Variants in EDNRB observed in about 807,000 individuals in gnomAD.
The protein encoded by EDNRB is endothelin receptor type B.
In EDNRB, 18 loss-of-function variants were observed where a neutral mutation model predicts 46.4. The observed-to-expected ratio is 0.39, with a 90% CI of 0.27 to 0.57. The LOEUF (loss-of-function observed/expected upper bound fraction) is 0.57, where lower values mean the gene tolerates loss of function less well. Among genes scored for constraint, EDNRB ranks in the 20% least tolerant of loss-of-function variants. The pLI is 0.61. For missense variants in EDNRB, 434 were observed against 537.5 expected, an observed-to-expected ratio of 0.81 and a Z score of 1.90; for synonymous variants, 213 against 204.9, an observed-to-expected ratio of 1.04 and a Z score of -0.34.
intron 1 of EDNRB, among the ~76,000 whole-genome samples, chr13:77,946,049 G>C (rs1880902079): frequency 6.6e-6 from 1 of 152,170 alleles, no homozygotes; most frequent in Non-Finnish European, 1.5e-5. Context: ...CGTGAATCCT[G>C]TCTCATGTCT....
At chr13:77,905,835 C>T (rs1035376059) in intron 1 of EDNRB, among the ~76,000 whole-genome samples, 1 of 151,970 alleles carries the variant, frequency 6.6e-6, no homozygotes, top group African/African-American at 2.4e-5. Context: ...CTACTAGCTA[C>T]TAAAGCTGGA....
In EDNRB at chr13:77,918,801, C is replaced by A; in HGVS notation, c.-228G>T. 7.6e-7 allele frequency: 1 copy of A among 1,317,522 alleles called. No homozygotes were observed. The highest frequency in any genetic ancestry group is 3.6e-5 in the Admixed American group (1 of 27,724). The allele number at this position is 1,317,522 out of a possible 1,614,324, so 81.6% of individuals were successfully genotyped here. ...TGACTCGCCAGCGCGGGTCGAAACT[C>A]CTTCCTGATGCCCTCTCAGCTGTTT... is the stretch of plus-strand genomic sequence containing the variant. On this transcript the variant is annotated 5_prime_UTR_variant, in exon 1 of 7. Coordinates refer to ENST00000646607, the MANE Select transcript of EDNRB (RefSeq NM_001122659.3). The surrounding 1 kb of genome is among the most constrained non-coding windows in gnomAD (Gnocchi z 4.5).
At chr13:77,931,136 C>T (rs554215543) in intron 1 of EDNRB, among the ~76,000 whole-genome samples, 40 of 152,138 alleles carry the variant, frequency 2.6e-4, no homozygotes, top group African/African-American at 9.2e-4. Context: ...CTAAAGCCAT[C>T]GTGTAAGGCC....
chr13:77,927,623 A>C (rs762412198), intron 1 of EDNRB, among the ~76,000 whole-genome samples: 1 of 152,222 alleles, frequency 6.6e-6, no homozygotes, highest in Admixed American at 6.5e-5. Flanking sequence ...GATGCTTTGC[A>C]TGAAATTCGT....
At chr13:77,903,050 G>C (rs1879078546) in intron 3 of EDNRB, 106 bp downstream of exon 3, 1 of 1,201,920 alleles carries the variant, frequency 8.3e-7, no homozygotes. Flanking sequence ...TTTATGCCAA[G>C]GACAGTCATA....
intron 1 of EDNRB, among the ~76,000 whole-genome samples, chr13:77,969,674 A>T (rs980038915): frequency 1.3e-5 from 2 of 152,122 alleles, no homozygotes; most frequent in African/African-American, 2.4e-5. Context: ...CTTTCAAAAC[A>T]TTACCCGCCT....
chr13:77,911,808 G>T (rs970054661), intron 1 of EDNRB, among the ~76,000 whole-genome samples: 4 of 151,968 alleles, frequency 2.6e-5, no homozygotes, highest in African/African-American at 7.2e-5. Flanking sequence ...TAAAATTAGA[G>T]AAGTTGTTGG....
Sources: allele counts gnomAD v4.1 joint callset (sites outside exome capture counted in the v4.1 genomes callset), GRCh38; gene constraint gnomAD v4.1.1; non-coding constraint Gnocchi (gnomAD v3.1); transcripts MANE v1.5; gene names NCBI Gene and HGNC (gene_info 2026-07-23, HGNC 2026-07-21).